The following MAPKAPK5 variants were observed in gnomAD, a reference collection of about 807,000 sequenced individuals.
MAPKAPK5 encodes the protein MAPK activated protein kinase 5, also known as MAP kinase-activated protein kinase 5.
Under a neutral mutation model 65.1 loss-of-function variants are expected in MAPKAPK5, and 30 were observed. The ratio of observed to expected loss-of-function variants is 0.46; its 90% CI spans 0.34 to 0.63. The LOEUF (loss-of-function observed/expected upper bound fraction) is 0.63. Among genes scored for constraint, MAPKAPK5 ranks in the 20% least tolerant of loss-of-function variants. MAPKAPK5 has a pLI of 0.01. For synonymous variants in MAPKAPK5, 179 were observed against 204.6 expected (o/e 0.87, Z 1.07); for missense variants, 433 against 581.4 (o/e 0.74, Z 2.63).
intron 10 of MAPKAPK5, among the ~76,000 whole-genome samples, chr12:111,886,528 C>T (rs74829683): frequency 0.017 from 2,607 of 152,380 alleles, 82 homozygotes; most frequent in African/African-American, 0.058. Flanking sequence ...TTCTGTGTTG[C>T]AGCATCTGAG....
Position 111,888,945 on chromosome 12 carries a change from T to C in MAPKAPK5, c.1161T>C (p.Asn387=), listed in dbSNP as rs761586041. 1.9e-6 allele frequency: 3 copies of C among 1,611,958 alleles called. No individual in the cohort carries two copies. The East Asian group carries it at 6.7e-5, about 36-fold the overall frequency. The change falls in exon 12 of 14, where the codon AAT becomes AAC. Residue 387 remains asparagine, a synonymous_variant. Transcript: ENST00000550735. The stretch of plus-strand genomic sequence containing the variant: ...ATGAGAATGGAGCCGAGGATTCCAA[T>C]GTTGCCTTGGAAAAACTCCGAGATG... The part of the protein sequence containing the change: ...HDHENGAEDS[N]VALEKLRDVI...
At chr12:111,848,268 T>G (rs1307423753) in intron 1 of MAPKAPK5, among the ~76,000 whole-genome samples, 1 of 152,246 alleles carries the variant, frequency 6.6e-6, no homozygotes, top group Non-Finnish European at 1.5e-5. Context: ...TCTTCCTATT[T>G]TAGTCCTTCT....
chr12:111,852,007 C>A (rs180885525), intron 1 of MAPKAPK5, among the ~76,000 whole-genome samples: 65 of 152,180 alleles, frequency 4.3e-4, no homozygotes, highest in Non-Finnish European at 1.5e-5. Flanking sequence ...CTGTGCCAGA[C>A]AGTAAGGAAT....
chr12:111,890,035 A>C lies in MAPKAPK5; in HGVS notation c.1217-5A>C, dbSNP rs1277743073. ...ATGCAAATTCCTCTTCATCCTTACCAATAGGAGAGAATGAAGATGAGAAAC... is the reference window on the plus strand; with the variant it reads ...ATGCAAATTCCTCTTCATCCTTACCCATAGGAGAGAATGAAGATGAGAAAC... On this transcript the variant is annotated splice_region_variant and splice_polypyrimidine_tract_variant and intron_variant, in intron 12 of 13. Coordinates refer to ENST00000550735, the MANE Select transcript of MAPKAPK5 (RefSeq NM_003668.4). 1 of 1,561,318 alleles carries C rather than the reference A, an allele frequency of 6.4e-7. No individual in the cohort carries two copies. The highest frequency in any genetic ancestry group is 1.8e-5 in the Admixed American group (1 of 54,376).
chr12:111,873,364 G>A (rs1214722722), intron 7 of MAPKAPK5, among the ~76,000 whole-genome samples: 1 of 152,066 alleles, frequency 6.6e-6, no homozygotes, highest in Non-Finnish European at 1.5e-5. Flanking sequence ...TTTTGAGACG[G>A]AGTTTCATTC....
chr12:111,861,156 TA>T (rs929966018), intron 1 of MAPKAPK5, among the ~76,000 whole-genome samples: 77 of 145,228 alleles, frequency 5.3e-4, no homozygotes, highest in East Asian at 1.6e-3. Context: ...AGACTCCGTC[TA>T]AAAAAAAAAA....
chr12:111,858,430 C>G (rs1392454212), intron 1 of MAPKAPK5, among the ~76,000 whole-genome samples: 1 of 151,700 alleles, frequency 6.6e-6, no homozygotes, highest in South Asian at 2.1e-4. Flanking sequence ...TTCTACAGGT[C>G]TCATTTTTCT....
intron 1 of MAPKAPK5, among the ~76,000 whole-genome samples, chr12:111,845,455 C>G (rs976175716): frequency 5.3e-5 from 8 of 152,110 alleles, no homozygotes; most frequent in African/African-American, 1.7e-4. Context: ...CACGCCCAGC[C>G]CAGCGTTTCT....
chr12:111,865,728 C>T (rs1008887507), intron 2 of MAPKAPK5, among the ~76,000 whole-genome samples: 1 of 146,574 alleles, frequency 6.8e-6, no homozygotes, highest in Non-Finnish European at 1.5e-5. Context: ...CCCAGCTACT[C>T]GGGAGGCTGA....
chr12:111,900,770 T>C lies in MAPKAPK5; in HGVS notation c.*7709T>C, dbSNP rs1238141019. On this transcript the variant is annotated 3_prime_UTR_variant, in exon 14 of 14. Transcript: ENST00000550735. ...GTCGTTCCTGTGATCTCCCAGAATTTTGCAATGGTACATCTGCATTATGCC... is the reference window on the plus strand; with the variant it reads ...GTCGTTCCTGTGATCTCCCAGAATTCTGCAATGGTACATCTGCATTATGCC... 2.2e-6 allele frequency: 1 copy of C among 456,102 alleles called. No individual in the cohort carries two copies. The highest frequency in any genetic ancestry group is 4.4e-6 in the Non-Finnish European group (1 of 226,794). The allele number at this position is 456,102 out of a possible 1,614,324, so 28.3% of individuals were successfully genotyped here. A position where few individuals can be genotyped will look rare whatever the true frequency, so the allele number is the denominator to read the frequency against.
chr12:111,900,259 T>C lies in MAPKAPK5; in HGVS notation c.*7198T>C, dbSNP rs1185308335. The stretch of plus-strand genomic sequence containing the variant: ...GTTGGGCATCACCCTGGACAGAATA[T>C]GGGCCAGGCCTTTCTCAGTGGTGCC... On this transcript the variant is annotated 3_prime_UTR_variant, in exon 14 of 14. Coordinates refer to ENST00000550735, the MANE Select transcript of MAPKAPK5 (RefSeq NM_003668.4). 4.4e-6 allele frequency: 2 copies of C among 456,006 alleles called. No individual in the cohort carries two copies. 28.2% of individuals were successfully genotyped at this position (456,006 alleles called of 1,614,324 possible).
chr12:111,856,845 T>C (rs2069257850), intron 1 of MAPKAPK5, among the ~76,000 whole-genome samples: 1 of 152,258 alleles, frequency 6.6e-6, no homozygotes, highest in African/African-American at 2.4e-5. Context: ...GAATAAAATA[T>C]ATTTACAGCC....
At chr12:111,860,492 C>T (rs563508337) in intron 1 of MAPKAPK5, among the ~76,000 whole-genome samples, 5 of 152,322 alleles carry the variant, frequency 3.3e-5, no homozygotes, top group Admixed American at 3.3e-4. Flanking sequence ...CATTTCCATC[C>T]ACATTCACCA....
intron 10 of MAPKAPK5, chr12:111,887,489 A>G (rs1382829075): frequency 6.6e-6 from 1 of 152,250 alleles, no homozygotes; most frequent in Non-Finnish European, 1.5e-5. Flanking sequence ...CCTGGCCAAC[A>G]TGAGGAAACC....
chr12:111,900,841 A>G lies in MAPKAPK5; in HGVS notation c.*7780A>G. The G allele has an allele frequency of 2.2e-6, 1 of 456,116 alleles. No individual in the cohort carries two copies. The highest frequency in any genetic ancestry group is 4.4e-6 in the Non-Finnish European group (1 of 226,802). The allele number at this position is 456,116 out of a possible 1,614,324, so 28.3% of individuals were successfully genotyped here. On this transcript the variant is annotated 3_prime_UTR_variant, in exon 14 of 14. Coordinates refer to ENST00000550735, the MANE Select transcript of MAPKAPK5 (RefSeq NM_003668.4). ...GATGGCTCAAAATGTCATACAATTT[A>G]CGAGTGCCTTAAAGTTCATTGTATG...
chr12:111,901,357 G>A lies in MAPKAPK5; in HGVS notation c.*8296G>A. The A allele has an allele frequency of 2.2e-6, 1 of 456,102 alleles. No homozygotes were observed. Among genetic ancestry groups the A allele is most frequent in the Non-Finnish European group, 4.4e-6 (1 of 226,810 alleles). 28.3% of individuals were successfully genotyped at this position (456,102 alleles called of 1,614,324 possible). ...CCTGACTGTGTTACTGCAGGAAGTG[G>A]AGGTAGTGTGGACAGTGGCCCTCCT... On this transcript the variant is annotated 3_prime_UTR_variant, in exon 14 of 14. Coordinates refer to ENST00000550735, the MANE Select transcript of MAPKAPK5 (RefSeq NM_003668.4).
At chr12:111,865,528 T>A (rs1473727880) in intron 2 of MAPKAPK5, among the ~76,000 whole-genome samples, 1 of 152,076 alleles carries the variant, frequency 6.6e-6, no homozygotes, top group Non-Finnish European at 1.5e-5. Flanking sequence ...CATGGTCTTT[T>A]TATAGAGTCA....
At chr12:111,885,324 A>G (rs1180071425) in intron 9 of MAPKAPK5, 1 of 152,354 alleles carries the variant, frequency 6.6e-6, no homozygotes, top group East Asian at 1.9e-4. Context: ...GGAAAGAAGC[A>G]TGATCTGAAG....
chr12:111,900,829 G>A lies in MAPKAPK5; in HGVS notation c.*7768G>A, dbSNP rs116330421. ...AGGCATAAGCAAGATGGCTCAAAAT[G>A]TCATACAATTTACGAGTGCCTTAAA... On this transcript the variant is annotated 3_prime_UTR_variant, in exon 14 of 14. Coordinates refer to ENST00000550735, the MANE Select transcript of MAPKAPK5 (RefSeq NM_003668.4). 131 of 456,054 alleles carry A rather than the reference G, an allele frequency of 2.9e-4. No homozygotes were observed. The highest frequency in any genetic ancestry group is 2.3e-3 in the African/African-American group (117 of 50,184). The allele number at this position is 456,054 out of a possible 1,614,324, so 28.3% of individuals were successfully genotyped here.
Sources: gnomAD v4.1 joint callset for allele counts (sites outside exome capture counted in the v4.1 genomes callset) on GRCh38, gnomAD v4.1.1 for gene constraint, MANE v1.5 for transcripts, NCBI Gene and HGNC (gene_info 2026-07-23, HGNC 2026-07-21) for gene names.